Variants in FDX1 observed in about 807,000 individuals in gnomAD.
The protein encoded by FDX1 is ferredoxin 1.
Under a neutral mutation model 14.9 loss-of-function variants are expected in FDX1, and 9 were observed. The ratio of observed to expected loss-of-function variants is 0.60; its 90% CI spans 0.36 to 1.05. The LOEUF is 1.05. Among genes scored for constraint, FDX1 ranks in the 50% least tolerant of loss-of-function variants. The probability of loss-of-function intolerance (pLI) is 0.01; values close to 1 mark genes in which losing one functional copy is unlikely to be tolerated. For synonymous variants in FDX1, 92 were observed against 99.4 expected (o/e 0.93, Z 0.44); for missense variants, 204 against 237.2 (o/e 0.86, Z 0.92).
intron 2 of FDX1, among the ~76,000 whole-genome samples, chr11:110,440,921 T>C (rs546979603): frequency 3.8e-4 from 58 of 152,290 alleles, no homozygotes; most frequent in African/African-American, 1.3e-3. Flanking sequence ...CACACCCAAA[T>C]CTCATCTTGA....
chr11:110,455,809 G>A (rs933515742), intron 2 of FDX1, among the ~76,000 whole-genome samples: 1 of 152,186 alleles, frequency 6.6e-6, no homozygotes, highest in Non-Finnish European at 1.5e-5. Flanking sequence ...AAACTCCATG[G>A]GATAGCGTTG....
intron 2 of FDX1, among the ~76,000 whole-genome samples, chr11:110,455,330 A>G (rs59640708): frequency 0.011 from 1,725 of 152,254 alleles, 32 homozygotes; most frequent in African/African-American, 0.039. Flanking sequence ...TAAAATATAA[A>G]TAATAAATGC....
intron 2 of FDX1, among the ~76,000 whole-genome samples, chr11:110,450,697 CTTT>C (rs2134687987): frequency 6.6e-6 from 1 of 152,210 alleles, no homozygotes; most frequent in Admixed American, 6.5e-5. Flanking sequence ...TATTTTGTTT[CTTT>C]GAGAAAATAA....
chr11:110,437,556 A>T (rs753768848), intron 2 of FDX1, among the ~76,000 whole-genome samples: 6 of 152,078 alleles, frequency 3.9e-5, no homozygotes, highest in Non-Finnish European at 7.4e-5. Flanking sequence ...TTCTCTGGTG[A>T]TTAGTGATGT....
At chr11:110,460,155 A>G (rs1362666041) in intron 3 of FDX1, among the ~76,000 whole-genome samples, 1 of 152,256 alleles carries the variant, frequency 6.6e-6, no homozygotes, top group Non-Finnish European at 1.5e-5. Flanking sequence ...AGCTTAATGC[A>G]TAATTGAGTA....
At chr11:110,448,862 T>C (rs1471990487) in intron 2 of FDX1, among the ~76,000 whole-genome samples, 1 of 152,156 alleles carries the variant, frequency 6.6e-6, no homozygotes, top group Non-Finnish European at 1.5e-5. Flanking sequence ...GCTGTGTGAG[T>C]TGTAAATTTT....
chr11:110,449,934 A>G (rs558114046), intron 2 of FDX1, among the ~76,000 whole-genome samples: 1 of 152,272 alleles, frequency 6.6e-6, no homozygotes, highest in East Asian at 1.9e-4. Flanking sequence ...GGCCTGTGCT[A>G]GAGATCTTAA....
At chr11:110,436,124 T>G (rs909203388) in intron 2 of FDX1, among the ~76,000 whole-genome samples, 166 bp downstream of exon 2, 3 of 152,050 alleles carry the variant, frequency 2.0e-5, no homozygotes, top group Non-Finnish European at 4.4e-5. Flanking sequence ...AATAATAGAG[T>G]GACACCATTG....
chr11:110,447,225 T>C (rs3858408), intron 2 of FDX1, among the ~76,000 whole-genome samples: 39,882 of 124,226 alleles, frequency 0.32, 6,851 homozygotes, highest in African/African-American at 0.42. Context: ...GTCAAGAGAT[T>C]GAGACCATCC....
rs1176920299 is a variant in FDX1 at position 110,435,373 on chromosome 11, A to T, written c.186-461A>T. Among the ~76,000 whole-genome samples, 3 of 152,236 alleles carry T rather than the reference A, an allele frequency of 2.0e-5. No homozygotes were observed. In the East Asian group the frequency reaches 5.8e-4, roughly 29 times the overall value. On this transcript the variant is annotated intron_variant, in intron 1 of 3. Transcript: ENST00000260270. Reference sequence around the variant, plus strand: ...CTTGTATGAGAGTAAAATAGAGTTCATGAGTGATAATAATTGCCAAATGTT... The same window carrying T: ...CTTGTATGAGAGTAAAATAGAGTTCTTGAGTGATAATAATTGCCAAATGTT...
intron 1 of FDX1, among the ~76,000 whole-genome samples, chr11:110,431,098 T>A (rs1207812676): frequency 7.7e-6 from 1 of 130,546 alleles, no homozygotes; most frequent in Non-Finnish European, 1.6e-5. Flanking sequence ...AGATGCCACT[T>A]GGTAGCAGCA....
At chr11:110,432,971 T>C (rs1946340972) in intron 1 of FDX1, among the ~76,000 whole-genome samples, 1 of 152,256 alleles carries the variant, frequency 6.6e-6, no homozygotes, top group Non-Finnish European at 1.5e-5. Flanking sequence ...AAATAACAGT[T>C]ATTAATCAGT....
rs544926329 is a variant in FDX1 at position 110,437,265 on chromosome 11, A to G, written c.310+1307A>G. Among the ~76,000 whole-genome samples the G allele has an allele frequency of 5.3e-5, 8 of 152,354 alleles. No individual in the cohort carries two copies. In the East Asian group the frequency reaches 1.5e-3, roughly 29 times the overall value. Reference sequence around the variant, plus strand: ...TGCCTTGGCCTCCCAAAGTGCTGGCATTACAGGCGTGAGCCACCATGCCCA... The same window carrying G: ...TGCCTTGGCCTCCCAAAGTGCTGGCGTTACAGGCGTGAGCCACCATGCCCA... On this transcript the variant is annotated intron_variant, in intron 2 of 3. Transcript: ENST00000260270.
intron 2 of FDX1, among the ~76,000 whole-genome samples, chr11:110,454,375 A>G (rs1489816960): frequency 6.6e-6 from 1 of 152,224 alleles, no homozygotes; most frequent in South Asian, 2.1e-4. Context: ...CTACTGGTAC[A>G]AAAAGCAATG....
chr11:110,436,784 TCA>T (rs1303908914), intron 2 of FDX1, among the ~76,000 whole-genome samples: 1 of 152,114 alleles, frequency 6.6e-6, no homozygotes, highest in African/African-American at 2.4e-5. Flanking sequence ...CATTTCTAGA[TCA>T]GAATTAATTT....
intron 2 of FDX1, among the ~76,000 whole-genome samples, chr11:110,451,359 G>A (rs12225458): frequency 0.18 from 27,392 of 152,092 alleles, 2,621 homozygotes; most frequent in East Asian, 0.26. Flanking sequence ...TGTAGCTGCT[G>A]CTGCTTTTCT....
At chr11:110,430,799 G>T (rs1946325782) in intron 1 of FDX1, among the ~76,000 whole-genome samples, 1 of 152,168 alleles carries the variant, frequency 6.6e-6, no homozygotes, top group Non-Finnish European at 1.5e-5. Flanking sequence ...TTGTCAGGGG[G>T]TGTCCAGGTA....
chr11:110,430,598 C>T (rs781024881), intron 1 of FDX1, among the ~76,000 whole-genome samples: 5 of 152,236 alleles, frequency 3.3e-5, no homozygotes, highest in Admixed American at 6.5e-5. Context: ...TTCCCGTGCC[C>T]TGAGGAAAGC....
At chr11:110,457,153 A>G in intron 3 of FDX1, 106 bp downstream of exon 3, 2 of 959,200 alleles carry the variant, frequency 2.1e-6, no homozygotes, top group Non-Finnish European at 3.0e-6. Context: ...GTGTTCTACC[A>G]GGTTAAATAA....
Sources: gnomAD v4.1 joint callset for allele counts (sites outside exome capture counted in the v4.1 genomes callset) on GRCh38, gnomAD v4.1.1 for gene constraint, MANE v1.5 for transcripts, NCBI Gene and HGNC (gene_info 2026-07-23, HGNC 2026-07-21) for gene names.